Variants in VPS53 observed in about 807,000 individuals in gnomAD.
VPS53 encodes vacuolar protein sorting-associated protein 53 homolog.
VPS53 carries 70 observed loss-of-function variants against 107.0 expected under a neutral mutation model. That is an observed-to-expected ratio of 0.65 (90% confidence interval 0.54 to 0.80). The LOEUF is 0.80. Among genes scored for constraint, VPS53 ranks in the 30% least tolerant of loss-of-function variants. The pLI is 0.00. For missense variants in VPS53, 917 were observed against 1,049.4 expected, an observed-to-expected ratio of 0.87 and a Z score of 1.74; for synonymous variants, 409 against 393.3, an observed-to-expected ratio of 1.04 and a Z score of -0.47.
At chr17:682,468 C>T (rs1567736438) in intron 4 of VPS53, among the ~76,000 whole-genome samples, 1 of 152,080 alleles carries the variant, frequency 6.6e-6, no homozygotes, top group Non-Finnish European at 1.5e-5. Context: ...ACAGGAGAAC[C>T]GTCTCCATGT....
intron 15 of VPS53, among the ~76,000 whole-genome samples, chr17:554,692 G>A (rs748152728): frequency 1.3e-5 from 2 of 152,098 alleles, no homozygotes; most frequent in African/African-American, 2.4e-5. Context: ...ACTACAGCTG[G>A]GATTACAGGT....
At position 508,967 on chromosome 17, in the gene VPS53, A is replaced by G. The variant is rs1000388430; in HGVS notation, c.*10161T>C. 3 of 152,218 alleles carry G rather than the reference A, an allele frequency of 2.0e-5. No individual in the cohort carries two copies. Among genetic ancestry groups the G allele is most frequent in the African/African-American group, 7.2e-5 (3 of 41,428 alleles). 9.4% of individuals were successfully genotyped at this position (152,218 alleles called of 1,614,324 possible). Reference sequence around the variant, plus strand: ...CTTTTATCTATTTTGTATAGAGGGAATCCAATGTAAAATTTTGTCCCATAA... The same window carrying G: ...CTTTTATCTATTTTGTATAGAGGGAGTCCAATGTAAAATTTTGTCCCATAA... On this transcript the variant is annotated 3_prime_UTR_variant, in exon 22 of 22. Transcript: ENST00000437048.
At chr17:667,444 G>T (rs909311612) in intron 4 of VPS53, among the ~76,000 whole-genome samples, 32 of 148,706 alleles carry the variant, frequency 2.2e-4, no homozygotes, top group Non-Finnish European at 4.5e-4. Flanking sequence ...AATTTATTTG[G>T]GGGGGCAATG....
At chr17:674,120 C>G (rs1972066576) in intron 4 of VPS53, 1 of 152,172 alleles carries the variant, frequency 6.6e-6, no homozygotes, top group Non-Finnish European at 1.5e-5. Context: ...CAAGCAACAC[C>G]TCCAAGTGGC....
chr17:564,754 A>G (rs1358731414), intron 13 of VPS53, among the ~76,000 whole-genome samples: 1 of 152,040 alleles, frequency 6.6e-6, no homozygotes. Context: ...GGGTATGAGC[A>G]GCTCCAGACT....
intron 15 of VPS53, among the ~76,000 whole-genome samples, chr17:556,429 T>A (rs191050109): frequency 1.4e-4 from 21 of 152,254 alleles, no homozygotes; most frequent in African/African-American, 5.1e-4. Flanking sequence ...ATGGGAACCA[T>A]ACAAACGATC....
At chr17:641,001 C>G (rs375836808) in intron 7 of VPS53, among the ~76,000 whole-genome samples, 1 of 152,134 alleles carries the variant, frequency 6.6e-6, no homozygotes. Context: ...ATTACAGGCG[C>G]CTGCCACCAC....
intron 18 of VPS53, chr17:536,827 G>T: frequency 1.6e-6 from 1 of 606,824 alleles, no homozygotes. Context: ...TGTTGATGCA[G>T]GTTCATCCAC....
At position 624,014 on chromosome 17, in the gene VPS53, A is replaced by AT. The variant is rs1260627229; in HGVS notation, c.975-341dup. Among the ~76,000 whole-genome samples the AT allele has an allele frequency of 6.8e-5, 10 of 147,914 alleles. No homozygotes were observed. The South Asian group carries it at 2.1e-3, about 31-fold the overall frequency. ...AACCTCCACCTCCTGGGTTCAAATG[A>AT]TTCTTTTTTTTTTTTGTATTTTTAG... On this transcript the variant is annotated intron_variant, in intron 10 of 21. Transcript: ENST00000437048.
rs972243039 is a variant in VPS53 at position 515,417 on chromosome 17, G to C, written c.*3711C>G. ...TGGCTAATTTTGTATTTTTAGTAAA[G>C]ACAGGGTTTCACCATGTCGGCCAGG... On this transcript the variant is annotated 3_prime_UTR_variant, in exon 22 of 22. Transcript: ENST00000437048. 2.0e-5 allele frequency: 3 copies of C among 152,176 alleles called. No homozygotes were observed. Among genetic ancestry groups the C allele is most frequent in the African/African-American group, 7.2e-5 (3 of 41,434 alleles). 9.4% of individuals were successfully genotyped at this position (152,176 alleles called of 1,614,324 possible). A position where few individuals can be genotyped will look rare whatever the true frequency, so the allele number is the denominator to read the frequency against.
At chr17:606,472 C>T (rs1030269202) in intron 11 of VPS53, among the ~76,000 whole-genome samples, 1 of 151,810 alleles carries the variant, frequency 6.6e-6, no homozygotes, top group Non-Finnish European at 1.5e-5. Context: ...TACACAGTTA[C>T]GTGCTGCCAT....
intron 3 of VPS53, among the ~76,000 whole-genome samples, chr17:698,241 T>G (rs1306312457): frequency 6.6e-6 from 1 of 152,154 alleles, no homozygotes; most frequent in Admixed American, 6.6e-5. Context: ...AAGACCAGCC[T>G]GGCCAACACA....
chr17:599,002 G>C (rs1293221270), intron 12 of VPS53, among the ~76,000 whole-genome samples: 2 of 116,840 alleles, frequency 1.7e-5, no homozygotes, highest in Admixed American at 1.7e-4. Context: ...GAGGTGGGGG[G>C]GGGGGTCAGC....
chr17:552,293 A>C (rs939629055), intron 16 of VPS53, among the ~76,000 whole-genome samples: 16 of 88,118 alleles, frequency 1.8e-4, no homozygotes, highest in African/African-American at 3.4e-4. Context: ...TAAACTAAGA[A>C]GAGAATTTTG....
chr17:617,172 C>A (rs1307440854), intron 11 of VPS53, among the ~76,000 whole-genome samples: 1 of 152,220 alleles, frequency 6.6e-6, no homozygotes, highest in Admixed American at 6.5e-5. Flanking sequence ...GGGGGCTACT[C>A]CCAGGGTGGG....
At chr17:663,408 C>T (rs2143626706) in intron 4 of VPS53, among the ~76,000 whole-genome samples, 1 of 152,328 alleles carries the variant, frequency 6.6e-6, no homozygotes, top group South Asian at 2.1e-4. Context: ...ACCAAATGCA[C>T]TGGACCGTCC....
Position 509,307 on chromosome 17 carries a change from C to A in VPS53, c.*9821G>T. The A allele has an allele frequency of 6.6e-6, 1 of 152,376 alleles. No homozygotes were observed. The highest frequency in any genetic ancestry group is 1.4e-5 in the Non-Finnish European group (1 of 70,034). 9.4% of individuals were successfully genotyped at this position (152,376 alleles called of 1,614,324 possible). A position where few individuals can be genotyped will look rare whatever the true frequency, so the allele number is the denominator to read the frequency against. ...ACATATCAAATCCTGGCTGACCCCT[C>A]ACTAGGTACATATCGAATCCTGGCT... On this transcript the variant is annotated 3_prime_UTR_variant, in exon 22 of 22. Coordinates refer to ENST00000437048, the MANE Select transcript of VPS53 (RefSeq NM_001128159.3).
Position 714,801 on chromosome 17 carries a change from C to G in VPS53, c.-92G>C, listed in dbSNP as rs980781568. 7.0e-6 allele frequency: 10 copies of G among 1,424,950 alleles called. No homozygotes were observed. Among genetic ancestry groups the G allele is most frequent in the East Asian group, 4.6e-5 (2 of 43,758 alleles). 88.3% of individuals were successfully genotyped at this position (1,424,950 alleles called of 1,614,324 possible). ...CCCCAGCACAGCAACTCCCTCGCGG[C>G]AGCGACCTGGTGAGCCCGGCTCCGT... On this transcript the variant is annotated 5_prime_UTR_variant, in exon 1 of 22. Transcript: ENST00000437048.
In VPS53 at chr17:586,267, C is replaced by G; in HGVS notation, c.1313+3G>C. ...CAGAAAACAGCGAATGTTCCTCACT[C>G]ACTTGTCTTGGGATTCGATATACAC... On this transcript the variant is annotated splice_donor_region_variant and intron_variant, in intron 13 of 21. Transcript: ENST00000437048. 6.2e-7 allele frequency: 1 copy of G among 1,613,564 alleles called. No homozygotes were observed. The highest frequency in any genetic ancestry group is 8.5e-7 in the Non-Finnish European group (1 of 1,179,508).
Sources: allele counts gnomAD v4.1 joint callset (sites outside exome capture counted in the v4.1 genomes callset), GRCh38; gene constraint gnomAD v4.1.1; transcripts MANE v1.5; gene names NCBI Gene and HGNC (gene_info 2026-07-23, HGNC 2026-07-21).